LUZP2: variants seen among roughly 807,000 people sequenced by gnomAD.
LUZP2 encodes leucine zipper protein 2.
Under a neutral mutation model 51.6 loss-of-function variants are expected in LUZP2, and 52 were observed. That is an observed-to-expected ratio of 1.01 (90% CI 0.81 to 1.27). The LOEUF (loss-of-function observed/expected upper bound fraction) is 1.27, where lower values mean the gene tolerates loss of function less well. LUZP2 is among the 50% of genes most tolerant of loss of function. LUZP2 has a pLI of 0.00. For missense variants in LUZP2, 436 were observed against 395.4 expected (o/e 1.10, Z -0.87); for synonymous variants, 154 against 137.3 (o/e 1.12, Z -0.85).
chr11:24,855,614 G>A lies in LUZP2; in HGVS notation c.397-50377G>A, dbSNP rs564407104. Among the ~76,000 whole-genome samples the A allele has an allele frequency of 4.6e-5, 7 of 152,234 alleles. No homozygotes were observed. The South Asian group carries it at 1.5e-3, about 32-fold the overall frequency. ...ATTCTTCACAGAATTAGAAAATACT[G>A]TTTTAACATTTATATGGAACCAAAA... On this transcript the variant is annotated intron_variant, in intron 5 of 11. Coordinates refer to ENST00000336930, the MANE Select transcript of LUZP2 (RefSeq NM_001009909.4).
chr11:24,504,685 C>A (rs1850097807), intron 1 of LUZP2, among the ~76,000 whole-genome samples: 1 of 151,882 alleles, frequency 6.6e-6, no homozygotes, highest in African/African-American at 2.4e-5. Flanking sequence ...TAGAACACCT[C>A]AAGCAATCAG....
chr11:24,710,166 G>T (rs1857758567), intron 1 of LUZP2, among the ~76,000 whole-genome samples: 1 of 152,076 alleles, frequency 6.6e-6, no homozygotes. Flanking sequence ...CTGAACCACG[G>T]TGATATTCTC....
chr11:24,678,443 G>A (rs1290130775), intron 1 of LUZP2, among the ~76,000 whole-genome samples: 1 of 151,992 alleles, frequency 6.6e-6, no homozygotes, highest in Non-Finnish European at 1.5e-5. Flanking sequence ...CCCTTTTGCT[G>A]TATTCCCAGT....
chr11:24,563,700 T>C (rs1261512271), intron 1 of LUZP2, among the ~76,000 whole-genome samples: 1 of 151,934 alleles, frequency 6.6e-6, no homozygotes, highest in Non-Finnish European at 1.5e-5. Context: ...TTTCTTAGCA[T>C]AGGAAAGTGG....
At chr11:24,505,706 A>T (rs981012589) in intron 1 of LUZP2, among the ~76,000 whole-genome samples, 1 of 152,078 alleles carries the variant, frequency 6.6e-6, no homozygotes, top group African/African-American at 2.4e-5. Context: ...ATAAAATGGT[A>T]TTTTTCCTTC....
At chr11:24,956,902 A>G (rs1021344271) in intron 7 of LUZP2, among the ~76,000 whole-genome samples, 1 of 152,142 alleles carries the variant, frequency 6.6e-6, no homozygotes, top group Non-Finnish European at 1.5e-5. Flanking sequence ...TCTAGTTTAA[A>G]GTGCTTTCCA....
intron 8 of LUZP2, among the ~76,000 whole-genome samples, chr11:24,980,653 G>C (rs1446274200): frequency 6.6e-6 from 1 of 151,724 alleles, no homozygotes; most frequent in Non-Finnish European, 1.5e-5. Context: ...TGAAATGATG[G>C]TAAGGACTAA....
intron 5 of LUZP2, among the ~76,000 whole-genome samples, chr11:24,824,318 A>G (rs1248292641): frequency 7.2e-6 from 1 of 139,138 alleles, no homozygotes; most frequent in East Asian, 2.4e-4. Context: ...GTGAGCCAAG[A>G]TTACACCATT....
chr11:24,870,246 C>T (rs1299554805), intron 5 of LUZP2, among the ~76,000 whole-genome samples: 1 of 152,126 alleles, frequency 6.6e-6, no homozygotes, highest in Non-Finnish European at 1.5e-5. Context: ...TGCTCTTTCA[C>T]CTCTTGCACA....
At chr11:24,582,376 GAAAT>G (rs530409963) in intron 1 of LUZP2, among the ~76,000 whole-genome samples, 259 of 125,598 alleles carry the variant, frequency 2.1e-3, no homozygotes, top group African/African-American at 7.3e-3. Flanking sequence ...GAGATGAATA[GAAAT>G]AAATAGAGAG....
chr11:25,069,659 A>G (rs1243739304), intron 10 of LUZP2, among the ~76,000 whole-genome samples: 1 of 151,932 alleles, frequency 6.6e-6, no homozygotes, highest in Non-Finnish European at 1.5e-5. Flanking sequence ...AAAAAGTGAC[A>G]GGGTATACAT....
At chr11:24,905,576 GA>G (rs948413822) in intron 5 of LUZP2, among the ~76,000 whole-genome samples, 5 of 152,010 alleles carry the variant, frequency 3.3e-5, no homozygotes, top group African/African-American at 1.2e-4. Context: ...CTGCGCTCTA[GA>G]CCAAATGGAC....
intron 8 of LUZP2, among the ~76,000 whole-genome samples, chr11:24,980,914 T>A (rs1226276658): frequency 6.6e-6 from 1 of 151,776 alleles, no homozygotes; most frequent in Non-Finnish European, 1.5e-5. Context: ...AAACAGGGCA[T>A]TTTCATTAAG....
intron 1 of LUZP2, among the ~76,000 whole-genome samples, chr11:24,646,401 TAAAC>T (rs762324226): frequency 2.3e-4 from 35 of 152,240 alleles, no homozygotes; most frequent in Non-Finnish European, 4.3e-4. Context: ...TTTACTTACT[TAAAC>T]AAGAAGTCAG....
intron 1 of LUZP2, among the ~76,000 whole-genome samples, chr11:24,670,265 G>T (rs765648141): frequency 6.6e-6 from 1 of 151,952 alleles, no homozygotes; most frequent in Non-Finnish European, 1.5e-5. Context: ...ATTTTCATTA[G>T]CATTAAGTAA....
intron 5 of LUZP2, among the ~76,000 whole-genome samples, chr11:24,793,960 G>T (rs1564900514): frequency 6.6e-6 from 1 of 151,978 alleles, no homozygotes. Context: ...TTAATAGAAA[G>T]TCAGAAAAGT....
intron 1 of LUZP2, among the ~76,000 whole-genome samples, chr11:24,505,614 G>A (rs1850125050): frequency 2.0e-5 from 3 of 152,138 alleles, no homozygotes. Flanking sequence ...AAAAGCTCAT[G>A]TGGCATAGAC....
chr11:24,610,327 T>C (rs1854078149), intron 1 of LUZP2, among the ~76,000 whole-genome samples: 1 of 152,182 alleles, frequency 6.6e-6, no homozygotes, highest in Non-Finnish European at 1.5e-5. Flanking sequence ...TTATGACACA[T>C]GCAAAGAAAC....
chr11:24,882,800 A>G (rs199507042), intron 5 of LUZP2, among the ~76,000 whole-genome samples: 4 of 94,980 alleles, frequency 4.2e-5, no homozygotes, highest in Non-Finnish European at 6.9e-5. Flanking sequence ...GGAAGAAAGG[A>G]AGGAAGGGAA....
Sources: allele counts gnomAD v4.1 joint callset (sites outside exome capture counted in the v4.1 genomes callset), GRCh38; gene constraint gnomAD v4.1.1; transcripts MANE v1.5; gene names NCBI Gene and HGNC (gene_info 2026-07-23, HGNC 2026-07-21).